The following CAMTA1 variants were observed in gnomAD, a reference collection of about 807,000 sequenced individuals.
The protein encoded by CAMTA1 is calmodulin binding transcription activator 1, also known as calmodulin-binding transcription activator 1.
A neutral mutation model predicts 170.9 loss-of-function variants in CAMTA1; 27 were observed. The ratio of observed to expected loss-of-function variants is 0.16; its 90% CI spans 0.12 to 0.22. The LOEUF (loss-of-function observed/expected upper bound fraction) is 0.22. CAMTA1 is among the 10% of genes least tolerant of loss of function. The pLI is 1.00. For synonymous variants in CAMTA1, 833 were observed against 891.5 expected, an observed-to-expected ratio of 0.93 and a Z score of 1.17; for missense variants, 1,619 against 2,217.2, an observed-to-expected ratio of 0.73 and a Z score of 5.42.
At chr1:6,864,527 G>A (rs12406288) in intron 3 of CAMTA1, among the ~76,000 whole-genome samples, 18,456 of 152,106 alleles carry the variant, frequency 0.12, 1,676 homozygotes, top group Admixed American at 0.28. Context: ...GCTTAAGCTC[G>A]TCTCTTGTCA....
intron 5 of CAMTA1, among the ~76,000 whole-genome samples, chr1:7,332,036 C>T (rs913165330): frequency 3.9e-4 from 59 of 152,326 alleles, no homozygotes; most frequent in African/African-American, 1.4e-3. Context: ...TAACTCCATC[C>T]TTATTACACG....
intron 5 of CAMTA1, among the ~76,000 whole-genome samples, chr1:7,400,780 G>A (rs1246829250): frequency 1.3e-5 from 2 of 152,180 alleles, no homozygotes; most frequent in Non-Finnish European, 1.5e-5. Flanking sequence ...TACCTCAGTG[G>A]CCTAGGCTGC....
At chr1:6,839,317 G>T (rs1394030007) in intron 3 of CAMTA1, among the ~76,000 whole-genome samples, 1 of 152,068 alleles carries the variant, frequency 6.6e-6, no homozygotes, top group African/African-American at 2.4e-5. Flanking sequence ...GGGAGGCAGA[G>T]GTTGCAGTGA....
intron 3 of CAMTA1, among the ~76,000 whole-genome samples, chr1:6,878,291 A>G (rs538216817): frequency 6.6e-6 from 1 of 152,372 alleles, no homozygotes; most frequent in African/African-American, 2.4e-5. Context: ...ATGAAAGACA[A>G]TACATCAAAG....
intron 6 of CAMTA1, among the ~76,000 whole-genome samples, chr1:7,620,546 AAGAG>A (rs953242338): frequency 5.9e-5 from 9 of 152,244 alleles, no homozygotes; most frequent in East Asian, 1.9e-4. Flanking sequence ...AACAAAGAAA[AAGAG>A]AGAGAGAGAA....
intron 3 of CAMTA1, among the ~76,000 whole-genome samples, chr1:6,956,049 C>T (rs7539029): frequency 0.51 from 77,656 of 151,962 alleles, 20,309 homozygotes; most frequent in East Asian, 0.66. Flanking sequence ...GCCTCAGATA[C>T]GTACTGAGCG....
intron 22 of CAMTA1, among the ~76,000 whole-genome samples, chr1:7,757,493 A>G (rs569283766): frequency 2.6e-5 from 4 of 152,318 alleles, no homozygotes; most frequent in African/African-American, 9.6e-5. Context: ...AGGGCCGGCC[A>G]TGGTGGCTCA....
At chr1:7,104,486 G>A (rs548516331) in intron 4 of CAMTA1, among the ~76,000 whole-genome samples, 4 of 152,330 alleles carry the variant, frequency 2.6e-5, no homozygotes, top group South Asian at 2.1e-4. Context: ...CAAAGACGCC[G>A]TGGAGTCTGA....
chr1:6,810,989 C>T (rs985642593), intron 1 of CAMTA1, among the ~76,000 whole-genome samples: 3 of 152,218 alleles, frequency 2.0e-5, no homozygotes, highest in African/African-American at 7.2e-5. Context: ...AGTGCAGTTC[C>T]AGTTGAAAGT....
intron 4 of CAMTA1, among the ~76,000 whole-genome samples, chr1:7,150,577 A>G (rs1041775998): frequency 2.1e-4 from 32 of 152,188 alleles, no homozygotes; most frequent in African/African-American, 7.7e-4. Context: ...ACTAGATGCC[A>G]ATAGCACCCC....
intron 5 of CAMTA1, among the ~76,000 whole-genome samples, chr1:7,395,513 T>A (rs2089227141): frequency 6.6e-6 from 1 of 152,194 alleles, no homozygotes; most frequent in Non-Finnish European, 1.5e-5. Flanking sequence ...TGATGGACCC[T>A]CTGGCTTTAT....
chr1:7,163,386 A>G (rs898031228), intron 4 of CAMTA1, among the ~76,000 whole-genome samples: 6 of 151,946 alleles, frequency 3.9e-5, no homozygotes, highest in African/African-American at 7.3e-5. Flanking sequence ...GTCATCCAGA[A>G]TAGTGGCAGG....
intron 1 of CAMTA1, among the ~76,000 whole-genome samples, chr1:6,796,786 G>A (rs1318517724): frequency 1.3e-5 from 2 of 152,108 alleles, no homozygotes; most frequent in African/African-American, 2.4e-5. Context: ...AGTTCTTGAA[G>A]AAATCTTATT....
intron 6 of CAMTA1, among the ~76,000 whole-genome samples, chr1:7,503,671 A>C (rs1454987327): frequency 6.6e-6 from 1 of 152,182 alleles, no homozygotes; most frequent in Non-Finnish European, 1.5e-5. Flanking sequence ...GGGCACCTGA[A>C]GGCTCTCTCA....
chr1:7,214,559 G>A lies in CAMTA1; in HGVS notation c.303-34932G>A, dbSNP rs143706010. Among the ~76,000 whole-genome samples the A allele has an allele frequency of 3.6e-3, 549 of 152,126 alleles. 3 individuals carry two copies. Among genetic ancestry groups the A allele is most frequent in the African/African-American group, 0.013 (519 of 41,512 alleles). Reference sequence around the variant, plus strand: ...TTTTTTGTGTTTTTAGTAGAGACAGGGTTTCACCACGTTAGCCGGGATGGT... The same window carrying A: ...TTTTTTGTGTTTTTAGTAGAGACAGAGTTTCACCACGTTAGCCGGGATGGT... On this transcript the variant is annotated intron_variant, in intron 4 of 22. Coordinates refer to ENST00000303635, the MANE Select transcript of CAMTA1 (RefSeq NM_015215.4).
intron 11 of CAMTA1, chr1:7,693,780 T>A (rs1558144726): frequency 2.0e-5 from 3 of 152,284 alleles, no homozygotes; most frequent in South Asian, 4.1e-4. Flanking sequence ...ATAGCCCCAG[T>A]GTTCAGAGTT....
intron 5 of CAMTA1, among the ~76,000 whole-genome samples, chr1:7,428,227 CT>C (rs1458695255): frequency 6.6e-6 from 1 of 152,140 alleles, no homozygotes; most frequent in Admixed American, 6.5e-5. Flanking sequence ...GGAAAGTTGT[CT>C]CTTGCACACT....
intron 3 of CAMTA1, among the ~76,000 whole-genome samples, chr1:6,957,981 C>G (rs369355480): frequency 6.6e-6 from 1 of 152,194 alleles, no homozygotes; most frequent in South Asian, 2.1e-4. Flanking sequence ...TCCCGCCTGT[C>G]AGCACTGGAC....
intron 4 of CAMTA1, among the ~76,000 whole-genome samples, 199 bp downstream of exon 4, chr1:7,091,570 C>T (rs1380286448): frequency 6.6e-6 from 1 of 152,170 alleles, no homozygotes; most frequent in Non-Finnish European, 1.5e-5. Context: ...AAAAAGAGTG[C>T]AAGTGCCATC....
Sources: gnomAD v4.1 joint callset for allele counts (sites outside exome capture counted in the v4.1 genomes callset) on GRCh38, gnomAD v4.1.1 for gene constraint, MANE v1.5 for transcripts, NCBI Gene and HGNC (gene_info 2026-07-23, HGNC 2026-07-21) for gene names.